The following C1orf21 variants were observed in gnomAD, a reference collection of about 807,000 sequenced individuals.
C1orf21 encodes uncharacterized protein C1orf21.
A neutral mutation model predicts 18.7 loss-of-function variants in C1orf21; 3 were observed. The observed-to-expected ratio is 0.16, with a 90% CI of 0.07 to 0.42. The LOEUF (loss-of-function observed/expected upper bound fraction) is 0.42, where lower values mean the gene tolerates loss of function less well. Ranked by LOEUF, C1orf21 falls within the 10% of genes least tolerant of loss-of-function variation. C1orf21 has a pLI of 0.99. For missense variants in C1orf21, 104 were observed against 143.6 expected (o/e 0.72, Z 1.41); for synonymous variants, 41 against 46.4 (o/e 0.88, Z 0.47).
chr1:184,393,535 C>T (rs1394804046), intron 1 of C1orf21, among the ~76,000 whole-genome samples: 3 of 152,152 alleles, frequency 2.0e-5, no homozygotes, highest in Non-Finnish European at 4.4e-5. Context: ...ATCTTTTTGC[C>T]TTTGTTTTCA....
chr1:184,463,561 G>A (rs1657340907), intron 1 of C1orf21, among the ~76,000 whole-genome samples: 1 of 152,134 alleles, frequency 6.6e-6, no homozygotes, highest in Non-Finnish European at 1.5e-5. Context: ...TGTCAGGTGA[G>A]AAATGTTTAT....
chr1:184,486,847 G>A (rs984334787), intron 2 of C1orf21, among the ~76,000 whole-genome samples: 20 of 152,238 alleles, frequency 1.3e-4, no homozygotes, highest in African/African-American at 4.6e-4. Flanking sequence ...GGGAGCACCT[G>A]AGTTTTCAGA....
intron 3 of C1orf21, among the ~76,000 whole-genome samples, chr1:184,587,706 G>A (rs1323232952): frequency 6.7e-6 from 1 of 149,204 alleles, no homozygotes; most frequent in African/African-American, 2.5e-5. Context: ...AGGCTGGAGT[G>A]CAGGTCATGA....
At chr1:184,542,658 T>A (rs935613510) in intron 3 of C1orf21, 21 of 152,152 alleles carry the variant, frequency 1.4e-4, no homozygotes, top group African/African-American at 4.1e-4. Flanking sequence ...GGTGAGTTAG[T>A]GAGTACAATA....
At chr1:184,568,584 C>A in intron 3 of C1orf21, 1 of 348,122 alleles carries the variant, frequency 2.9e-6, no homozygotes, top group Non-Finnish European at 5.7e-6. Context: ...TAAAATGATG[C>A]ATGTTAAGCT....
rs139803154 is a variant in C1orf21, at chr1:184,536,518, C to T, written c.189+28836C>T. The stretch of plus-strand genomic sequence containing the variant: ...AGAATGTAGTCACATGGTCACACCT[C>T]ACTGGGAGAGAGGTGAGAAATGGCT... On this transcript the variant is annotated intron_variant, in intron 3 of 5. Coordinates refer to ENST00000235307, the MANE Select transcript of C1orf21 (RefSeq NM_030806.4). 2.0e-3 allele frequency among the ~76,000 whole-genome samples: 302 copies of T among 152,300 alleles called. 2 individuals are homozygous for T. The highest frequency in any genetic ancestry group is 6.6e-3 in the African/African-American group (276 of 41,546).
chr1:184,605,288 C>G (rs1002026284), intron 5 of C1orf21, among the ~76,000 whole-genome samples: 5 of 152,204 alleles, frequency 3.3e-5, no homozygotes, highest in African/African-American at 1.2e-4. Context: ...GGGTCCCACT[C>G]TTGGTAACTA....
chr1:184,510,533 T>C (rs758719912), intron 3 of C1orf21, among the ~76,000 whole-genome samples: 3 of 152,156 alleles, frequency 2.0e-5, no homozygotes, highest in Non-Finnish European at 2.9e-5. Flanking sequence ...ACATTTACGA[T>C]GGGCCTCAAA....
At chr1:184,414,712 A>G (rs1202637880) in intron 1 of C1orf21, among the ~76,000 whole-genome samples, 1 of 152,058 alleles carries the variant, frequency 6.6e-6, no homozygotes, top group African/African-American at 2.4e-5. Context: ...ATTTTCTTAC[A>G]TAGCTTTATT....
Position 184,387,536 on chromosome 1 carries a change from G to T in C1orf21, c.-125+168G>T, listed in dbSNP as rs1655906281. On this transcript the variant is annotated intron_variant, in intron 1 of 5. Transcript: ENST00000235307. The surrounding 1 kb of genome is among the most constrained non-coding windows in gnomAD (Gnocchi z 5.6). Reference sequence around the variant, plus strand: ...CGTGGCGCTGCCTGCGCGGGGCCCGGGCCGGGGCTGCTGCTGGTGCGGGGC... The same window carrying T: ...CGTGGCGCTGCCTGCGCGGGGCCCGTGCCGGGGCTGCTGCTGGTGCGGGGC... 6.6e-6 allele frequency among the ~76,000 whole-genome samples: 1 copy of T among 152,012 alleles called. No homozygotes were observed. Among genetic ancestry groups the T allele is most frequent in the South Asian group, 2.1e-4 (1 of 4,828 alleles).
At chr1:184,462,170 C>A (rs1237434689) in intron 1 of C1orf21, among the ~76,000 whole-genome samples, 5 of 152,208 alleles carry the variant, frequency 3.3e-5, no homozygotes. Flanking sequence ...CGATGGACCA[C>A]ACCTAGTAAT....
intron 2 of C1orf21, among the ~76,000 whole-genome samples, chr1:184,481,307 A>G (rs1017989259): frequency 2.1e-4 from 32 of 152,136 alleles, no homozygotes; most frequent in African/African-American, 7.5e-4. Flanking sequence ...TTCTCTATGT[A>G]TCTCTCATCT....
chr1:184,410,668 T>TATATATATATATATA, intron 1 of C1orf21, among the ~76,000 whole-genome samples: 1 of 42,656 alleles, frequency 2.3e-5, no homozygotes, highest in East Asian at 6.8e-4. Flanking sequence ...TATATATTTT[T>TATATATATATATATA]TTTTTTTTTT....
intron 1 of C1orf21, among the ~76,000 whole-genome samples, chr1:184,455,476 A>G: frequency 6.6e-6 from 1 of 152,160 alleles, no homozygotes; most frequent in South Asian, 2.1e-4. Flanking sequence ...ACTTTGAGAA[A>G]CAAAGTCTTA....
chr1:184,442,874 G>A (rs1446686223), intron 1 of C1orf21, among the ~76,000 whole-genome samples: 1 of 152,174 alleles, frequency 6.6e-6, no homozygotes, highest in Non-Finnish European at 1.5e-5. Flanking sequence ...GGATGGTTCA[G>A]TGTTCTCTGT....
chr1:184,436,507 T>C (rs1656860621), intron 1 of C1orf21, among the ~76,000 whole-genome samples: 1 of 151,744 alleles, frequency 6.6e-6, no homozygotes, highest in Non-Finnish European at 1.5e-5. Flanking sequence ...CAGAGTGGCA[T>C]TGGAACCCAG....
At chr1:184,554,342 T>C (rs948866328) in intron 3 of C1orf21, among the ~76,000 whole-genome samples, 1 of 152,204 alleles carries the variant, frequency 6.6e-6, no homozygotes, top group Non-Finnish European at 1.5e-5. Flanking sequence ...CATTCCCCTG[T>C]GTTTTAGAAT....
intron 2 of C1orf21, among the ~76,000 whole-genome samples, chr1:184,495,144 C>T (rs929745991): frequency 2.0e-5 from 3 of 152,192 alleles, no homozygotes; most frequent in East Asian, 1.9e-4. Flanking sequence ...CCAGGGTGCC[C>T]GAAGAGGCAA....
chr1:184,533,123 A>G (rs972510490), intron 3 of C1orf21, among the ~76,000 whole-genome samples: 2 of 148,996 alleles, frequency 1.3e-5, no homozygotes, highest in Non-Finnish European at 3.0e-5. Flanking sequence ...ATGACCTCTC[A>G]CTCCTCTCTG....
Sources: allele counts gnomAD v4.1 joint callset (sites outside exome capture counted in the v4.1 genomes callset), GRCh38; gene constraint gnomAD v4.1.1; non-coding constraint Gnocchi (gnomAD v3.1); transcripts MANE v1.5; gene names NCBI Gene and HGNC (gene_info 2026-07-23, HGNC 2026-07-21).